The following ABLIM3 variants were observed in gnomAD, a reference collection of about 807,000 sequenced individuals.
ABLIM3 encodes actin binding LIM protein family member 3.
In ABLIM3, 61 loss-of-function variants were observed where a neutral mutation model predicts 109.5. The observed-to-expected ratio is 0.56, with a 90% CI of 0.45 to 0.69. The LOEUF is 0.69. Ranked by LOEUF, ABLIM3 falls within the 30% of genes least tolerant of loss-of-function variation. ABLIM3 has a pLI of 0.00. For synonymous variants in ABLIM3, 300 were observed against 324.8 expected (o/e 0.92, Z 0.82); for missense variants, 796 against 889.5 (o/e 0.89, Z 1.34).
intron 2 of ABLIM3, among the ~76,000 whole-genome samples, chr5:149,160,057 T>C (rs2127445399): frequency 6.6e-6 from 1 of 152,316 alleles, no homozygotes; most frequent in South Asian, 2.1e-4. Flanking sequence ...TGTTTACTTG[T>C]CACAGACCCT....
intron 2 of ABLIM3, among the ~76,000 whole-genome samples, chr5:149,180,590 C>G (rs1382168084): frequency 6.6e-6 from 1 of 151,868 alleles, no homozygotes; most frequent in Non-Finnish European, 1.5e-5. Flanking sequence ...TTTATAATCA[C>G]AGCTTACATC....
chr5:149,241,531 C>T (rs567965735), intron 14 of ABLIM3, among the ~76,000 whole-genome samples: 46 of 152,238 alleles, frequency 3.0e-4, no homozygotes, highest in African/African-American at 1.0e-3. Context: ...GAGGCCGAGG[C>T]GTGTGGGTCA....
At chr5:149,206,484 C>T (rs897579017) in intron 5 of ABLIM3, among the ~76,000 whole-genome samples, 2 of 152,174 alleles carry the variant, frequency 1.3e-5, no homozygotes, top group Non-Finnish European at 2.9e-5. Flanking sequence ...TAGGTTTAAC[C>T]ACAAAATATA....
intron 10 of ABLIM3, among the ~76,000 whole-genome samples, chr5:149,235,923 C>T (rs1300610817): frequency 6.6e-6 from 1 of 152,140 alleles, no homozygotes; most frequent in African/African-American, 2.4e-5. Flanking sequence ...CACACTGGAC[C>T]TAAAAAGATG....
intron 22 of ABLIM3, 57 bp from the exon 23 acceptor site, chr5:149,252,700 A>C: frequency 7.4e-7 from 1 of 1,342,300 alleles, no homozygotes; most frequent in South Asian, 1.2e-5. Context: ...AATGTACCTG[A>C]AAGGAACAAG....
At chr5:149,152,113 C>T (rs1753487575) in intron 2 of ABLIM3, among the ~76,000 whole-genome samples, 1 of 152,148 alleles carries the variant, frequency 6.6e-6, no homozygotes, top group South Asian at 2.1e-4. Flanking sequence ...AAAATGAAGT[C>T]GGAGGATTTT....
chr5:149,168,625 A>G (rs1265660992), intron 2 of ABLIM3, among the ~76,000 whole-genome samples: 2 of 152,222 alleles, frequency 1.3e-5, no homozygotes, highest in Non-Finnish European at 2.9e-5. Context: ...TGCATAAAGT[A>G]TGTGTTTAAT....
intron 6 of ABLIM3, 53 bp from the exon 7 acceptor site, chr5:149,210,673 A>T (rs1759451837): frequency 4.0e-6 from 6 of 1,504,668 alleles, no homozygotes; most frequent in Non-Finnish European, 4.6e-6. Flanking sequence ...TGCCATGTGC[A>T]CCCTCACTGA....
chr5:149,199,881 A>G (rs914670558), intron 4 of ABLIM3, among the ~76,000 whole-genome samples: 113 of 152,336 alleles, frequency 7.4e-4, no homozygotes, highest in African/African-American at 2.7e-3. Flanking sequence ...CAGACTTACA[A>G]ACTTCCTCTT....
At chr5:149,201,111 G>A (rs1758442908) in intron 5 of ABLIM3, among the ~76,000 whole-genome samples, 1 of 152,124 alleles carries the variant, frequency 6.6e-6, no homozygotes, top group Non-Finnish European at 1.5e-5. Context: ...GGAAACTGAG[G>A]ACCAGGAGCG....
At chr5:149,190,957 A>G (rs900871167) in intron 3 of ABLIM3, among the ~76,000 whole-genome samples, 3 of 152,226 alleles carry the variant, frequency 2.0e-5, no homozygotes, top group Non-Finnish European at 4.4e-5. Context: ...TTAAAGTGGT[A>G]CTCAGAGGAA....
chr5:149,175,502 A>G (rs1755845567), intron 2 of ABLIM3, among the ~76,000 whole-genome samples: 2 of 152,124 alleles, frequency 1.3e-5, no homozygotes, highest in South Asian at 2.1e-4. Flanking sequence ...AGGGAGGAGA[A>G]TCTTGGGGAA....
At chr5:149,252,321 A>G in intron 22 of ABLIM3, 113 bp downstream of exon 22, 1 of 1,252,154 alleles carries the variant, frequency 8.0e-7, no homozygotes, top group South Asian at 1.5e-5. Flanking sequence ...ATAGATAAAT[A>G]ACCCCAGGGG....
intron 2 of ABLIM3, among the ~76,000 whole-genome samples, 171 bp from the exon 3 acceptor site, chr5:149,183,281 A>C (rs1265578580): frequency 6.6e-6 from 1 of 152,196 alleles, no homozygotes; most frequent in South Asian, 2.1e-4. Flanking sequence ...GTCTCATACC[A>C]CTCAGTGCTG....
intron 3 of ABLIM3, among the ~76,000 whole-genome samples, chr5:149,190,054 A>G (rs892666685): frequency 2.6e-5 from 4 of 152,256 alleles, no homozygotes; most frequent in African/African-American, 9.6e-5. Context: ...AAATACTAAT[A>G]AATGCTCCAA....
intron 3 of ABLIM3, among the ~76,000 whole-genome samples, chr5:149,190,133 T>C (rs1323343440): frequency 6.6e-6 from 1 of 152,178 alleles, no homozygotes; most frequent in Non-Finnish European, 1.5e-5. Flanking sequence ...GGATTTCATA[T>C]GTATGAAATG....
chr5:149,177,790 G>A (rs1012589037), intron 2 of ABLIM3, among the ~76,000 whole-genome samples: 11 of 152,226 alleles, frequency 7.2e-5, no homozygotes, highest in Non-Finnish European at 1.0e-4. Context: ...GGTTGGGGGT[G>A]AGGAGACATG....
At position 149,183,481 on chromosome 5, in the gene ABLIM3, C is replaced by T. The variant is rs373795437; in HGVS notation, c.43C>T (p.Arg15Trp). The stretch of plus-strand genomic sequence containing the variant: ...TTATCAGCAGAATCCTTACAATCCA[C>T]GGGGCAGCTCCAATGTCATCCAGTG... ...IPYQQNPYNPRGSSNVIQCYR... is the reference protein window; with the variant it reads ...IPYQQNPYNPWGSSNVIQCYR... Residue 15 changes from arginine to tryptophan, a missense_variant, in exon 3 of 24, where the codon CGG becomes TGG. Coordinates refer to ENST00000309868, the MANE Select transcript of ABLIM3 (RefSeq NM_014945.5). The T allele has an allele frequency of 1.0e-4, 160 of 1,579,674 alleles. No individual in the cohort carries two copies. The highest frequency in any genetic ancestry group is 2.3e-4 in the African/African-American group (17 of 72,758).
At chr5:149,239,101 A>T in intron 11 of ABLIM3, 147 bp from the exon 12 acceptor site, 1 of 751,920 alleles carries the variant, frequency 1.3e-6, no homozygotes, top group Non-Finnish European at 2.3e-6. Context: ...TGGAATTCCC[A>T]GCGAGGCTGT....
Sources: gnomAD v4.1 joint callset for allele counts (sites outside exome capture counted in the v4.1 genomes callset) on GRCh38, gnomAD v4.1.1 for gene constraint, MANE v1.5 for transcripts, NCBI Gene and HGNC (gene_info 2026-07-23, HGNC 2026-07-21) for gene names.